Variants in ROS1 observed in about 807,000 individuals in gnomAD.
ROS1 encodes the protein proto-oncogene tyrosine-protein kinase ROS.
A neutral mutation model predicts 273.5 loss-of-function variants in ROS1; 263 were observed. The ratio of observed to expected loss-of-function variants is 0.96; its 90% CI spans 0.87 to 1.06. The LOEUF is 1.06. Ranked by LOEUF, ROS1 falls within the 50% of genes least tolerant of loss-of-function variation. ROS1 has a pLI of 0.00. For missense variants in ROS1, 2,833 were observed against 2,751.1 expected, an observed-to-expected ratio of 1.03 and a Z score of -0.67; for synonymous variants, 1,008 against 954.1, an observed-to-expected ratio of 1.06 and a Z score of -1.04.
intron 43 of ROS1, among the ~76,000 whole-genome samples, chr6:117,298,399 C>T (rs1338866774): frequency 6.6e-6 from 1 of 152,102 alleles, no homozygotes; most frequent in Non-Finnish European, 1.5e-5. Context: ...CAAGCAAAAC[C>T]ATGTTTTGCC....
rs373225447 is a variant in ROS1, at chr6:117,288,817, T to A, written c.6716-15A>T. 5.1e-6 allele frequency: 8 copies of A among 1,566,076 alleles called. No homozygotes were observed. The African/African-American group carries it at 8.3e-5, about 16-fold the overall frequency. On this transcript the variant is annotated splice_polypyrimidine_tract_variant and intron_variant, in intron 43 of 43. Transcript: ENST00000368507. ...GCCATCTTCACCTGTGAAAAAAATA[T>A]GAATGTTATTCTAGCATGTATTTAA...
intron 35 of ROS1, among the ~76,000 whole-genome samples, chr6:117,322,006 T>C (rs1776323498): frequency 1.3e-5 from 2 of 151,874 alleles, no homozygotes; most frequent in African/African-American, 4.8e-5. Context: ...ATAAGCAGTA[T>C]TAGTTTTATA....
intron 4 of ROS1, among the ~76,000 whole-genome samples, chr6:117,413,948 T>C (rs987263917): frequency 2.6e-5 from 4 of 151,798 alleles, no homozygotes; most frequent in African/African-American, 4.8e-5. Flanking sequence ...ACCACTGCAC[T>C]CCACCCTGGG....
rs767731036 is a variant in ROS1, at chr6:117,341,454, T to C, written c.4830A>G (p.Gly1610=). The change falls in exon 30 of 44, where the codon GGA becomes GGG. Residue 1610 remains glycine (G), a synonymous_variant. Transcript: ENST00000368507. ...TPLRQSEFPN[G]RLTLLVTRLS... ...GTCTAGTAACAAGGAGAGTGAGCCTTCCATTTGGAAATTCACTTTGTCTTA... is the reference window on the plus strand; with the variant it reads ...GTCTAGTAACAAGGAGAGTGAGCCTCCCATTTGGAAATTCACTTTGTCTTA... The C allele has an allele frequency of 3.1e-6, 5 of 1,613,928 alleles. No homozygotes were observed. The highest frequency in any genetic ancestry group is 4.2e-6 in the Non-Finnish European group (5 of 1,179,848).
At chr6:117,420,147 T>C (rs1299731124) in intron 1 of ROS1, among the ~76,000 whole-genome samples, 4 of 152,036 alleles carry the variant, frequency 2.6e-5, no homozygotes, top group South Asian at 4.2e-4. Flanking sequence ...ATTACCTGGA[T>C]TAGGATTTGA....
At chr6:117,400,217 C>G (rs919173189) in intron 7 of ROS1, among the ~76,000 whole-genome samples, 3 of 152,204 alleles carry the variant, frequency 2.0e-5, no homozygotes, top group African/African-American at 7.2e-5. Flanking sequence ...AATGAGACTT[C>G]CTCCAAAGAG....
At chr6:117,412,969 A>G (rs954859684) in intron 4 of ROS1, among the ~76,000 whole-genome samples, 2 of 152,066 alleles carry the variant, frequency 1.3e-5, no homozygotes, top group East Asian at 1.9e-4. Flanking sequence ...TTCTATCTCA[A>G]TGAGGAGAGA....
At chr6:117,324,685 A>G (rs756331157) in intron 34 of ROS1, among the ~76,000 whole-genome samples, 41 of 152,274 alleles carry the variant, frequency 2.7e-4, no homozygotes, top group Non-Finnish European at 4.9e-4. Flanking sequence ...ATGACTTAGG[A>G]AACATATATA....
intron 14 of ROS1, 151 bp from the exon 15 acceptor site, chr6:117,387,150 G>A (rs1772650970): frequency 4.1e-6 from 2 of 490,844 alleles, no homozygotes; most frequent in Non-Finnish European, 7.3e-6. Flanking sequence ...AAAAGGATAT[G>A]AGTAATTGTT....
chr6:117,399,883 T>G (rs991027094), intron 7 of ROS1, among the ~76,000 whole-genome samples: 5 of 152,262 alleles, frequency 3.3e-5, no homozygotes, highest in African/African-American at 1.2e-4. Flanking sequence ...TCTCTCAATC[T>G]ATTCTATGTG....
intron 1 of ROS1, among the ~76,000 whole-genome samples, chr6:117,419,746 T>C (rs1775611042): frequency 6.6e-6 from 1 of 152,164 alleles, no homozygotes; most frequent in Admixed American, 6.6e-5. Context: ...GGGTAGTCTT[T>C]GTGTTCCATT....
chr6:117,314,721 T>C (rs996782605), intron 39 of ROS1, among the ~76,000 whole-genome samples: 2 of 152,156 alleles, frequency 1.3e-5, no homozygotes, highest in East Asian at 1.9e-4. Flanking sequence ...TCTGAGTTGA[T>C]GCATCAGGCA....
intron 22 of ROS1, among the ~76,000 whole-genome samples, chr6:117,361,942 A>T (rs556979709): frequency 2.0e-5 from 3 of 152,122 alleles, no homozygotes; most frequent in Non-Finnish European, 4.4e-5. Context: ...GAATACAAAA[A>T]TACCTACAGT....
At chr6:117,322,597 G>C (rs1237968310) in intron 35 of ROS1, among the ~76,000 whole-genome samples, 1 of 152,170 alleles carries the variant, frequency 6.6e-6, no homozygotes, top group African/African-American at 2.4e-5. Context: ...TTATGCATTA[G>C]ATATGACTGC....
chr6:117,391,790 ATCT>A (rs1352593177), intron 12 of ROS1, among the ~76,000 whole-genome samples: 2 of 152,196 alleles, frequency 1.3e-5, no homozygotes, highest in Admixed American at 1.3e-4. Flanking sequence ...CAGCTGTATA[ATCT>A]TAGACAATTA....
At chr6:117,353,989 A>C (rs1483348836) in intron 26 of ROS1, among the ~76,000 whole-genome samples, 1 of 152,200 alleles carries the variant, frequency 6.6e-6, no homozygotes, top group Non-Finnish European at 1.5e-5. Context: ...CGGGAGGGCG[A>C]CTAGGACAAA....
intron 38 of ROS1, 35 bp from the exon 39 acceptor site, chr6:117,317,307 A>C (rs778699378): frequency 6.3e-7 from 1 of 1,597,014 alleles, no homozygotes; most frequent in African/African-American, 1.3e-5. Flanking sequence ...GGATGATATG[A>C]CAGAAGCAGG....
At position 117,421,334 on chromosome 6, in the gene ROS1, C is replaced by G. The variant is rs562727628; in HGVS notation, c.124-2828G>C. ...TGGATAAATTATATAGTGGTGAAGT[C>G]TGAGATCTTAGTGCACCTTTCACCC... On this transcript the variant is annotated intron_variant, in intron 1 of 43. Transcript: ENST00000368507. Among the ~76,000 whole-genome samples, 38 of 151,340 alleles carry G rather than the reference C, an allele frequency of 2.5e-4. No individual in the cohort carries two copies. The South Asian group carries it at 7.7e-3, about 31-fold the overall frequency.
In ROS1 at chr6:117,413,344, T is replaced by C. The variant is rs181884678; in HGVS notation, c.255+1175A>G. On this transcript the variant is annotated intron_variant, in intron 4 of 43. Transcript: ENST00000368507. ...AACTCCTGACCTCCAGCAATCCTCC[T>C]ACTTGAACCTCCGAAGTAGCTGGGA... 2.4e-4 allele frequency among the ~76,000 whole-genome samples: 36 copies of C among 152,322 alleles called. No individual in the cohort carries two copies. The East Asian group carries it at 6.6e-3, about 28-fold the overall frequency.
Sources: gnomAD v4.1 joint callset for allele counts (sites outside exome capture counted in the v4.1 genomes callset) on GRCh38, gnomAD v4.1.1 for gene constraint, MANE v1.5 for transcripts, NCBI Gene and HGNC (gene_info 2026-07-23, HGNC 2026-07-21) for gene names.